Variants in TUFM observed in about 807,000 individuals in gnomAD.
TUFM encodes Tu translation elongation factor, mitochondrial.
TUFM carries 23 observed loss-of-function variants against 45.0 expected under a neutral mutation model. The ratio of observed to expected loss-of-function variants is 0.51; its 90% CI spans 0.37 to 0.72. The LOEUF is 0.72. Ranked by LOEUF, TUFM falls within the 30% of genes least tolerant of loss-of-function variation. The pLI, the probability that TUFM is intolerant of heterozygous loss-of-function variation, is 0.00. For synonymous variants in TUFM, 243 were observed against 252.9 expected (o/e 0.96, Z 0.37); for missense variants, 490 against 610.7 (o/e 0.80, Z 2.08).
rs903720305 is a variant in TUFM at position 28,842,647 on chromosome 16, C to T, written c.*328G>A. 2.5e-6 allele frequency: 1 copy of T among 392,798 alleles called. No homozygotes were observed. 24.3% of individuals were successfully genotyped at this position (392,798 alleles called of 1,614,324 possible). ...ATAACGGCATCCTACTGTGTCTAGG[C>T]AATCACTAAGCTCACTGGACTTGAT... On this transcript the variant is annotated 3_prime_UTR_variant, in exon 10 of 10. Transcript: ENST00000313511.
intron 9 of TUFM, 37 bp from the exon 10 acceptor site, chr16:28,843,185 G>A: frequency 6.2e-7 from 1 of 1,612,812 alleles, no homozygotes; most frequent in Non-Finnish European, 8.5e-7. Flanking sequence ...GTGGCCTCCA[G>A]GGTGCCTTCA....
intron 2 of TUFM, 52 bp from the exon 3 acceptor site, chr16:28,845,532 A>G: frequency 6.2e-7 from 1 of 1,610,952 alleles, no homozygotes. Flanking sequence ...TGCTAGAGGC[A>G]GAGCTTAGAC....
In TUFM at chr16:28,846,228, G is replaced by C. The variant is rs768868207; in HGVS notation, c.42C>G (p.Pro14=). 27 of 1,574,744 alleles carry C rather than the reference G, an allele frequency of 1.7e-5. No individual in the cohort carries two copies. Among genetic ancestry groups the C allele is most frequent in the African/African-American group, 2.7e-5 (2 of 73,836 alleles). Residue 14 remains proline, a synonymous_variant, in exon 1 of 10, where the codon CCC becomes CCG. Coordinates refer to ENST00000313511, the MANE Select transcript of TUFM (RefSeq NM_003321.5). The part of the protein sequence containing the change: ...MAAATLLRAT[P]HFSGLAAGRT... ...TCCCTGACCACTCACCGCTGAAGTG[G>C]GGCGTCGCGCGCAGCAGGGTGGCGG...
rs768875230 is a variant in TUFM at position 28,845,909 on chromosome 16, C to T, written c.247+3G>A. ...CGCTGCTGGACGCCCCAACCCCACT[C>T]ACTCTTCGTGATGGCTGCAGTCAGC... On this transcript the variant is annotated splice_donor_region_variant and intron_variant, in intron 2 of 9. Transcript: ENST00000313511. 6.2e-7 allele frequency: 1 copy of T among 1,613,780 alleles called. No individual in the cohort carries two copies. The highest frequency in any genetic ancestry group is 1.1e-5 in the South Asian group (1 of 91,044).
intron 2 of TUFM, 95 bp from the exon 3 acceptor site, chr16:28,845,575 ACCT>A: frequency 7.0e-7 from 1 of 1,425,090 alleles, no homozygotes. Context: ...TAAATACATA[ACCT>A]CCTCCAATCT....
In TUFM at chr16:28,843,139, T is replaced by C. The variant is rs745387851; in HGVS notation, c.1204A>G (p.Met402Val). The C allele has an allele frequency of 1.9e-6, 3 of 1,614,202 alleles. No individual in the cohort carries two copies. Among genetic ancestry groups the C allele is most frequent in the African/African-American group, 1.3e-5 (1 of 75,064 alleles). Residue 402 changes from methionine (M) to valine (V), a missense_variant, in exon 10 of 10, where the codon ATG becomes GTG. Transcript: ENST00000313511. ...TTGAACTTCAGGTCCTCCCCGGGCA[T>C]GGCAAGCTCCTAGAGTAGGAAGAGA... ...IILPPEKELA[M>V]PGEDLKFNLI...
intron 2 of TUFM, 26 bp downstream of exon 2, chr16:28,845,886 C>T: frequency 1.2e-6 from 2 of 1,612,380 alleles, no homozygotes; most frequent in East Asian, 2.2e-5. Context: ...AGATAGGGCG[C>T]TGCTGGACGC....
intron 9 of TUFM, 78 bp downstream of exon 9, chr16:28,843,658 T>C: frequency 1.9e-6 from 3 of 1,594,408 alleles, no homozygotes; most frequent in East Asian, 2.2e-5. Context: ...TGTCACAGTG[T>C]ATCTTTGGAA....
At position 28,842,955 on chromosome 16, in the gene TUFM, C is replaced by G. The variant is rs770524897; in HGVS notation, c.*20G>C. On this transcript the variant is annotated 3_prime_UTR_variant, in exon 10 of 10. Transcript: ENST00000313511. ...GGGCAGGCCTTAAACGCAAGGGAAG[C>G]TGAGCAGAGATCTGCACACTCAACC... 1 of 1,613,696 alleles carries G rather than the reference C, an allele frequency of 6.2e-7. No individual in the cohort carries two copies. Among genetic ancestry groups the G allele is most frequent in the African/African-American group, 1.3e-5 (1 of 74,978 alleles).
At position 28,842,847 on chromosome 16, in the gene TUFM, G is replaced by A. The variant is rs1467369370; in HGVS notation, c.*128C>T. ...CAGGCAGGCCAACCCTTCCGAGCAG[G>A]GGAAATGTCCATCTAGCTGCCCTCT... On this transcript the variant is annotated 3_prime_UTR_variant, in exon 10 of 10. Transcript: ENST00000313511. The A allele has an allele frequency of 1.6e-6, 2 of 1,262,790 alleles. No homozygotes were observed. Among genetic ancestry groups the A allele is most frequent in the East Asian group, 2.3e-5 (1 of 43,220 alleles). 78.2% of individuals were successfully genotyped at this position (1,262,790 alleles called of 1,614,324 possible).
At chr16:28,845,577 C>T (rs1961924455) in intron 2 of TUFM, 97 bp from the exon 3 acceptor site, 3 of 1,401,084 alleles carry the variant, frequency 2.1e-6, no homozygotes, top group Admixed American at 3.6e-5. Flanking sequence ...AATACATAAC[C>T]TCCTCCAATC....
Position 28,843,730 on chromosome 16 carries a change from C to T in TUFM, c.1194+6G>A. ...CTCCACCCTACATTCCTCCCACCCA[C>T]CGTACCTTCTCTGGGGGCAGGATAA... On this transcript the variant is annotated splice_donor_region_variant and intron_variant, in intron 9 of 9. Coordinates refer to ENST00000313511, the MANE Select transcript of TUFM (RefSeq NM_003321.5). 6.2e-7 allele frequency: 1 copy of T among 1,612,620 alleles called. No homozygotes were observed. The highest frequency in any genetic ancestry group is 2.2e-5 in the East Asian group (1 of 44,890).
chr16:28,845,263 C>T, intron 3 of TUFM, 51 bp downstream of exon 3: 1 of 1,613,224 alleles, frequency 6.2e-7, no homozygotes, highest in Non-Finnish European at 8.5e-7. Context: ...AACATTTATC[C>T]TGACAAGAGG....
rs560701501 is a variant in TUFM, at chr16:28,842,577, C to T, written c.*398G>A. On this transcript the variant is annotated 3_prime_UTR_variant, in exon 10 of 10. Transcript: ENST00000313511. ...CACCTGAGCTGAAGCCATGCTGGCT[C>T]CAGAGCGATAGAACATTCTTTCCCA... is the stretch of plus-strand genomic sequence containing the variant. 1.3e-4 allele frequency: 40 copies of T among 303,616 alleles called. No homozygotes were observed. The highest frequency in any genetic ancestry group is 2.4e-4 in the Non-Finnish European group (37 of 155,232). The allele number at this position is 303,616 out of a possible 1,614,324, so 18.8% of individuals were successfully genotyped here.
At position 28,843,873 on chromosome 16, in the gene TUFM, A is replaced by G; in HGVS notation, c.1075-18T>C. The G allele has an allele frequency of 6.2e-7, 1 of 1,614,026 alleles. No individual in the cohort carries two copies. Among genetic ancestry groups the G allele is most frequent in the South Asian group, 1.1e-5 (1 of 91,082 alleles). On this transcript the variant is annotated intron_variant, in intron 8 of 9. Transcript: ENST00000313511. ...ATGTAAACCTGGAGGAGAGCAAGCAATGACGGTGAGCTGGGCTTGGCTGGA... is the reference window on the plus strand; with the variant it reads ...ATGTAAACCTGGAGGAGAGCAAGCAGTGACGGTGAGCTGGGCTTGGCTGGA...
In TUFM at chr16:28,842,764, CACAAAGG is replaced by C; in HGVS notation, c.*204_*210del. 2 of 652,254 alleles carry C rather than the reference CACAAAGG, an allele frequency of 3.1e-6. No homozygotes were observed. Among genetic ancestry groups the C allele is most frequent in the South Asian group, 3.4e-5 (2 of 58,114 alleles). 40.4% of individuals were successfully genotyped at this position (652,254 alleles called of 1,614,324 possible). ...GTCCTCCCCTATCCTCTCCAATTTG[CACAAAGG>C]ACACAGGACACAGGCTGGCTTACTA... On this transcript the variant is annotated 3_prime_UTR_variant, in exon 10 of 10. Transcript: ENST00000313511.
In TUFM at chr16:28,845,063, G is replaced by A; in HGVS notation, c.415-8C>T. 1 of 1,613,874 alleles carries A rather than the reference G, an allele frequency of 6.2e-7. No homozygotes were observed. Among genetic ancestry groups the A allele is most frequent in the Non-Finnish European group, 8.5e-7 (1 of 1,179,910 alleles). Reference sequence around the variant, plus strand: ...AGTGCCTGTGATCATATTCTGGAGAGGAGAAGGAAAGGAAACAGCCAAGTT... The same window carrying A: ...AGTGCCTGTGATCATATTCTGGAGAAGAGAAGGAAAGGAAACAGCCAAGTT... On this transcript the variant is annotated splice_polypyrimidine_tract_variant and splice_region_variant and intron_variant, in intron 3 of 9. Transcript: ENST00000313511.
intron 8 of TUFM, 24 bp downstream of exon 8, chr16:28,843,926 C>T (rs367961753): frequency 1.2e-6 from 2 of 1,613,922 alleles, no homozygotes; most frequent in African/African-American, 1.3e-5. Context: ...CTCAACCCTG[C>T]CCACCGTCAC....
chr16:28,843,346 G>A (rs1455076545), intron 9 of TUFM, among the ~76,000 whole-genome samples, 198 bp from the exon 10 acceptor site: 1 of 152,184 alleles, frequency 6.6e-6, no homozygotes, highest in Non-Finnish European at 1.5e-5. Context: ...AAAGAGACCA[G>A]TGATGAGTGT....
Sources: allele counts gnomAD v4.1 joint callset (sites outside exome capture counted in the v4.1 genomes callset), GRCh38; gene constraint gnomAD v4.1.1; transcripts MANE v1.5; gene names NCBI Gene and HGNC (gene_info 2026-07-23, HGNC 2026-07-21).